The following CTNNA2 variants were observed in gnomAD, a reference collection of about 807,000 sequenced individuals.
CTNNA2 encodes the protein catenin alpha 2.
In CTNNA2, 42 loss-of-function variants were observed where a neutral mutation model predicts 101.0. The observed-to-expected ratio is 0.42, with a 90% CI of 0.32 to 0.54. The LOEUF (loss-of-function observed/expected upper bound fraction) is 0.54. Ranked by LOEUF, CTNNA2 falls within the 20% of genes least tolerant of loss-of-function variation. The probability of loss-of-function intolerance (pLI) is 0.14; values close to 1 mark genes in which losing one functional copy is unlikely to be tolerated. For missense variants in CTNNA2, 871 were observed against 1,223.1 expected (o/e 0.71, Z 4.29); for synonymous variants, 450 against 456.4 (o/e 0.99, Z 0.18).
intron 7 of CTNNA2, among the ~76,000 whole-genome samples, chr2:80,324,793 G>C (rs986153363): frequency 5.9e-5 from 9 of 151,916 alleles, no homozygotes; most frequent in Non-Finnish European, 1.2e-4. Context: ...TCTTTCCTTT[G>C]ATCTCCCCCA....
intron 7 of CTNNA2, among the ~76,000 whole-genome samples, chr2:80,355,411 T>C (rs1414859307): frequency 6.6e-6 from 1 of 152,164 alleles, no homozygotes; most frequent in Non-Finnish European, 1.5e-5. Context: ...GTCTGGAGGC[T>C]CAGCAGTTCC....
chr2:79,964,105 C>T (rs745361086), intron 7 of CTNNA2, among the ~76,000 whole-genome samples: 2 of 152,140 alleles, frequency 1.3e-5, no homozygotes, highest in African/African-American at 4.8e-5. Flanking sequence ...CCTAGAATAC[C>T]TGCATGGCCA....
intron 7 of CTNNA2, among the ~76,000 whole-genome samples, chr2:80,180,067 G>A (rs1705675390): frequency 1.3e-5 from 2 of 152,172 alleles, no homozygotes; most frequent in Admixed American, 1.3e-4. Context: ...CTCAAAGCCA[G>A]GGTCCAGTAG....
chr2:80,023,820 G>A (rs908638286), intron 7 of CTNNA2, among the ~76,000 whole-genome samples: 2 of 152,168 alleles, frequency 1.3e-5, no homozygotes, highest in Non-Finnish European at 2.9e-5. Context: ...GGACGTGGTG[G>A]CTCATGCCTG....
intron 7 of CTNNA2, among the ~76,000 whole-genome samples, chr2:80,329,790 A>G (rs1671157618): frequency 6.6e-6 from 1 of 152,192 alleles, no homozygotes; most frequent in Non-Finnish European, 1.5e-5. Flanking sequence ...CCATAGGGGA[A>G]TGGCTCAGTA....
intron 4 of CTNNA2, among the ~76,000 whole-genome samples, chr2:79,412,313 A>G: frequency 6.6e-6 from 1 of 152,082 alleles, no homozygotes; most frequent in East Asian, 1.9e-4. Context: ...TTAACACCCC[A>G]CTGTCAACAT....
intron 4 of CTNNA2, among the ~76,000 whole-genome samples, chr2:79,465,366 A>G (rs1670921658): frequency 6.6e-6 from 1 of 152,192 alleles, no homozygotes; most frequent in Non-Finnish European, 1.5e-5. Context: ...TACCAGTACC[A>G]TGCTGTTTTG....
At chr2:79,533,541 A>C (rs1672873709) in intron 1 of CTNNA2, among the ~76,000 whole-genome samples, 1 of 152,134 alleles carries the variant, frequency 6.6e-6, no homozygotes, top group African/African-American at 2.4e-5. Flanking sequence ...TTTATCAACT[A>C]ACTAGAGTAT....
At chr2:79,257,685 T>G (rs1209970988) in intron 2 of CTNNA2, among the ~76,000 whole-genome samples, 3 of 151,540 alleles carry the variant, frequency 2.0e-5, no homozygotes, top group Non-Finnish European at 2.9e-5. Flanking sequence ...GAACAAGTAA[T>G]TGAGAGGAAG....
chr2:79,412,626 A>C (rs1249458302), intron 4 of CTNNA2, among the ~76,000 whole-genome samples: 1 of 152,070 alleles, frequency 6.6e-6, no homozygotes, highest in African/African-American at 2.4e-5. Flanking sequence ...GAAACTGAAC[A>C]ACCTGCTCCT....
At chr2:80,142,628 C>T (rs1308948833) in intron 7 of CTNNA2, among the ~76,000 whole-genome samples, 2 of 152,194 alleles carry the variant, frequency 1.3e-5, no homozygotes, top group East Asian at 3.9e-4. Flanking sequence ...TTCCACAATG[C>T]ATATGAGCAA....
At chr2:79,547,442 C>T (rs1263356539) in intron 1 of CTNNA2, 1 of 152,564 alleles carries the variant, frequency 6.6e-6, no homozygotes, top group East Asian at 1.9e-4. Context: ...AAGGTCAGAG[C>T]TCTGGCTGAA....
At chr2:79,364,799 A>C (rs1452875382) in intron 3 of CTNNA2, among the ~76,000 whole-genome samples, 1 of 152,190 alleles carries the variant, frequency 6.6e-6, no homozygotes, top group Non-Finnish European at 1.5e-5. Context: ...CTTTGTAAAA[A>C]GGGGTAAGGG....
intron 9 of CTNNA2, among the ~76,000 whole-genome samples, chr2:80,518,892 T>C (rs1003495887): frequency 2.0e-5 from 3 of 152,210 alleles, no homozygotes; most frequent in African/African-American, 7.2e-5. Flanking sequence ...AATAGACTTA[T>C]CTGTGCATTT....
In CTNNA2 at chr2:80,091,490, G is replaced by T. The variant is rs144224068; in HGVS notation, c.1056+181693G>T. ...TAGGACAGAGAAAGGTTGTAAAAACGATTAGAGAATTCTGATGATAGCTGT... is the reference window on the plus strand; with the variant it reads ...TAGGACAGAGAAAGGTTGTAAAAACTATTAGAGAATTCTGATGATAGCTGT... On this transcript the variant is annotated intron_variant, in intron 7 of 18. Coordinates refer to ENST00000402739, the MANE Select transcript of CTNNA2 (RefSeq NM_001282597.3). Among the ~76,000 whole-genome samples the T allele has an allele frequency of 2.1e-3, 325 of 152,190 alleles. 2 individuals carry two copies. Among genetic ancestry groups the T allele is most frequent in the East Asian group, 0.012 (64 of 5,172 alleles).
At chr2:80,603,921 A>G (rs1450641643) in intron 15 of CTNNA2, 153 bp from the exon 16 acceptor site, 9 of 562,414 alleles carry the variant, frequency 1.6e-5, no homozygotes, top group Non-Finnish European at 2.8e-5. Context: ...CTAATATAGA[A>G]ACTGGAGTTA....
intron 4 of CTNNA2, among the ~76,000 whole-genome samples, chr2:79,442,640 G>A (rs1026677196): frequency 1.3e-5 from 2 of 152,214 alleles, no homozygotes; most frequent in African/African-American, 2.4e-5. Flanking sequence ...GATGCAATAG[G>A]CAAATATATA....
intron 2 of CTNNA2, among the ~76,000 whole-genome samples, chr2:79,655,041 G>A (rs960099686): frequency 1.3e-5 from 2 of 152,002 alleles, no homozygotes; most frequent in African/African-American, 2.4e-5. Flanking sequence ...TCATGATGTT[G>A]TGTTTTATAA....
chr2:79,295,985 C>T (rs1254896262), intron 2 of CTNNA2, among the ~76,000 whole-genome samples: 1 of 151,826 alleles, frequency 6.6e-6, no homozygotes, highest in Non-Finnish European at 1.5e-5. Flanking sequence ...TTTTCCTCAA[C>T]AAAATTTCCA....
Sources: gnomAD v4.1 joint callset for allele counts (sites outside exome capture counted in the v4.1 genomes callset) on GRCh38, gnomAD v4.1.1 for gene constraint, MANE v1.5 for transcripts, NCBI Gene and HGNC (gene_info 2026-07-23, HGNC 2026-07-21) for gene names.